The following PRIMPOL variants were observed in gnomAD, a reference collection of about 807,000 sequenced individuals.
The protein encoded by PRIMPOL is primase and DNA directed polymerase.
In PRIMPOL, 54 loss-of-function variants were observed where a neutral mutation model predicts 63.6. The observed-to-expected ratio is 0.85, with a 90% CI of 0.68 to 1.07. PRIMPOL has a LOEUF of 1.07. PRIMPOL is among the 50% of genes least tolerant of loss of function. The pLI is 0.00. For synonymous variants in PRIMPOL, 197 were observed against 220.2 expected, an observed-to-expected ratio of 0.89 and a Z score of 0.93; for missense variants, 610 against 648.3, an observed-to-expected ratio of 0.94 and a Z score of 0.64.
intron 8 of PRIMPOL, among the ~76,000 whole-genome samples, chr4:184,678,681 C>T (rs952450189): frequency 1.3e-5 from 2 of 151,930 alleles, no homozygotes; most frequent in African/African-American, 2.4e-5. Context: ...GCGCCTGCCA[C>T]CACACCCGGC....
In PRIMPOL at chr4:184,655,205, T is replaced by A. The variant is rs552959386; in HGVS notation, c.-59-1877T>A. Among the ~76,000 whole-genome samples the A allele has an allele frequency of 4.7e-4, 72 of 152,156 alleles. 2 individuals carry two copies. In the South Asian group the frequency reaches 0.015, roughly 31 times the overall value. ...TTGTATTTTTAGTAGAGACGGGGTT[T>A]CACCATATTGGTCAGGCTGGTCTCG... On this transcript the variant is annotated intron_variant, in intron 2 of 13. Coordinates refer to ENST00000314970, the MANE Select transcript of PRIMPOL (RefSeq NM_152683.4).
At chr4:184,659,479 C>G in intron 4 of PRIMPOL, 42 bp downstream of exon 4, 1 of 1,403,894 alleles carries the variant, frequency 7.1e-7, no homozygotes, top group Non-Finnish European at 1.0e-6. Flanking sequence ...GCTAGAGTTC[C>G]ATTTCCTTTG....
chr4:184,678,548 TAC>T (rs1754722015), intron 8 of PRIMPOL, among the ~76,000 whole-genome samples, 154 bp downstream of exon 8: 1 of 145,266 alleles, frequency 6.9e-6, no homozygotes, highest in Non-Finnish European at 1.5e-5. Context: ...TTTTTTTTGA[TAC>T]AGAGTCTCCC....
chr4:184,668,659 A>C (rs1413560413), intron 6 of PRIMPOL, among the ~76,000 whole-genome samples: 1 of 152,142 alleles, frequency 6.6e-6, no homozygotes, highest in African/African-American at 2.4e-5. Context: ...TTTCTGTCAT[A>C]TCTCAAACCC....
In PRIMPOL at chr4:184,657,092, T is replaced by C; in HGVS notation, c.-49T>C. 7.5e-7 allele frequency: 1 copy of C among 1,334,670 alleles called. No individual in the cohort carries two copies. Among genetic ancestry groups the C allele is most frequent in the Non-Finnish European group, 1.0e-6 (1 of 1,003,722 alleles). 82.7% of individuals were successfully genotyped at this position (1,334,670 alleles called of 1,614,324 possible). ...TGTTGTTTGTTTTAGTAGTAATTGATAGAAATATTACGTGGGATAGGATTT... is the reference window on the plus strand; with the variant it reads ...TGTTGTTTGTTTTAGTAGTAATTGACAGAAATATTACGTGGGATAGGATTT... On this transcript the variant is annotated 5_prime_UTR_variant, in exon 3 of 14. Coordinates refer to ENST00000314970, the MANE Select transcript of PRIMPOL (RefSeq NM_152683.4).
rs1446235479 is a variant in PRIMPOL at position 184,677,643 on chromosome 4, TTTTA to T, written c.845-588_845-585del. ...TTGACCTTTTGCACTTCCATTTAAA[TTTTA>T]GAGTCAGTTTGCCGGTTTACACAAA... On this transcript the variant is annotated intron_variant, in intron 7 of 13. Transcript: ENST00000314970. Among the ~76,000 whole-genome samples the T allele has an allele frequency of 1.2e-4, 18 of 152,366 alleles. No individual in the cohort carries two copies. In the East Asian group the frequency reaches 3.1e-3, roughly 26 times the overall value.
chr4:184,690,555 G>A, intron 11 of PRIMPOL, among the ~76,000 whole-genome samples: 1 of 152,116 alleles, frequency 6.6e-6, no homozygotes, highest in Non-Finnish European at 1.5e-5. Context: ...CGCCTCCCAG[G>A]TTCAAGTGAT....
At chr4:184,670,633 C>T (rs190830662) in intron 6 of PRIMPOL, among the ~76,000 whole-genome samples, 65 of 151,418 alleles carry the variant, frequency 4.3e-4, no homozygotes, top group Admixed American at 7.2e-4. Context: ...ACTGCAACCT[C>T]CACCTCCCAG....
chr4:184,688,814 C>T (rs1757678085), intron 11 of PRIMPOL, among the ~76,000 whole-genome samples: 2 of 152,158 alleles, frequency 1.3e-5, no homozygotes, highest in African/African-American at 2.4e-5. Context: ...GCGTTTGGTC[C>T]AGACGTTCCC....
intron 13 of PRIMPOL, among the ~76,000 whole-genome samples, chr4:184,692,173 T>C (rs6832637): frequency 0.065 from 9,896 of 152,024 alleles, 1,034 homozygotes; most frequent in African/African-American, 0.22. Flanking sequence ...GTAGAATGAA[T>C]TGAAAATACA....
chr4:184,660,225 G>A (rs756319090), intron 4 of PRIMPOL, among the ~76,000 whole-genome samples: 4 of 145,484 alleles, frequency 2.7e-5, no homozygotes, highest in Non-Finnish European at 4.5e-5. Context: ...CACTCTTGTT[G>A]CCCAGGCTGG....
chr4:184,665,907 G>T lies in PRIMPOL; in HGVS notation c.409-10G>T, dbSNP rs966888556. The T allele has an allele frequency of 1.3e-6, 2 of 1,514,240 alleles. No homozygotes were observed. Among genetic ancestry groups the T allele is most frequent in the Admixed American group, 2.3e-5 (1 of 44,254 alleles). 93.8% of individuals were successfully genotyped at this position (1,514,240 alleles called of 1,614,324 possible). A position where few individuals can be genotyped will look rare whatever the true frequency, so the allele number is the denominator to read the frequency against. On this transcript the variant is annotated splice_polypyrimidine_tract_variant and intron_variant, in intron 5 of 13. Transcript: ENST00000314970. ...AATATAAATTATTTGCATTTTACTTGTGTTTTTAGTATGTGTGTAAAGCAC... is the reference window on the plus strand; with the variant it reads ...AATATAAATTATTTGCATTTTACTTTTGTTTTTAGTATGTGTGTAAAGCAC...
chr4:184,688,474 G>A (rs1274989781), intron 11 of PRIMPOL, among the ~76,000 whole-genome samples: 1 of 152,202 alleles, frequency 6.6e-6, no homozygotes, highest in Non-Finnish European at 1.5e-5. Context: ...CTTGCCCAGT[G>A]TCAAGCTTTA....
At chr4:184,686,474 T>C (rs919573184) in intron 11 of PRIMPOL, among the ~76,000 whole-genome samples, 3 of 152,338 alleles carry the variant, frequency 2.0e-5, no homozygotes, top group South Asian at 4.1e-4. Context: ...CTAGTATTTA[T>C]TGAATGCTTG....
rs1009458072 is a variant in PRIMPOL at position 184,691,783 on chromosome 4, G to A, written c.1425+71G>A. 6 of 1,179,552 alleles carry A rather than the reference G, an allele frequency of 5.1e-6. No homozygotes were observed. In the East Asian group the frequency reaches 9.4e-5, roughly 18 times the overall value. 73.1% of individuals were successfully genotyped at this position (1,179,552 alleles called of 1,614,324 possible). ...GTACAATAGTATACCTGAGCCATGA[G>A]TAGTGTCCAAATAGCATTGAAACCC... On this transcript the variant is annotated intron_variant, in intron 13 of 13. Coordinates refer to ENST00000314970, the MANE Select transcript of PRIMPOL (RefSeq NM_152683.4).
chr4:184,682,214 G>T (rs1332940324), intron 8 of PRIMPOL, 34 bp from the exon 9 acceptor site: 3 of 1,148,752 alleles, frequency 2.6e-6, no homozygotes, highest in Non-Finnish European at 2.6e-6. Flanking sequence ...CCAGTGTGAT[G>T]GTGCTTTGTT....
intron 11 of PRIMPOL, among the ~76,000 whole-genome samples, chr4:184,688,143 G>C (rs2696043): frequency 0.97 from 147,606 of 152,232 alleles, 71,731 homozygotes; most frequent in East Asian, 1. Context: ...TGGGAACCGT[G>C]TTGTACATAT....
At chr4:184,675,763 G>A (rs1401354164) in intron 7 of PRIMPOL, among the ~76,000 whole-genome samples, 1 of 152,072 alleles carries the variant, frequency 6.6e-6, no homozygotes, top group Admixed American at 6.6e-5. Context: ...GTTGCAGTGA[G>A]CCGAGATCAT....
In PRIMPOL at chr4:184,667,459, T is replaced by C. The variant is rs533530014; in HGVS notation, c.556+1395T>C. Among the ~76,000 whole-genome samples, 78 of 152,212 alleles carry C rather than the reference T, an allele frequency of 5.1e-4. 1 individual carries two copies. Among genetic ancestry groups the C allele is most frequent in the East Asian group, 2.5e-3 (13 of 5,176 alleles). On this transcript the variant is annotated intron_variant, in intron 6 of 13. Coordinates refer to ENST00000314970, the MANE Select transcript of PRIMPOL (RefSeq NM_152683.4). ...CCGAGTAGCTGAGACTACAGGCGTG[T>C]GCCACCATGCCCGGCTAAGTTTTTG...
Sources: gnomAD v4.1 joint callset for allele counts (sites outside exome capture counted in the v4.1 genomes callset) on GRCh38, gnomAD v4.1.1 for gene constraint, MANE v1.5 for transcripts, NCBI Gene and HGNC (gene_info 2026-07-23, HGNC 2026-07-21) for gene names.